The following PCDHA4 variants were observed in gnomAD, a reference collection of about 807,000 sequenced individuals.
PCDHA4 encodes the protein protocadherin alpha-4.
Under a neutral mutation model 61.4 loss-of-function variants are expected in PCDHA4, and 49 were observed. The ratio of observed to expected loss-of-function variants is 0.80; its 90% CI spans 0.63 to 1.01. The LOEUF is 1.01. PCDHA4 is among the 50% of genes least tolerant of loss of function. The pLI is 0.00. For missense variants in PCDHA4, 1,254 were observed against 1,235.8 expected (o/e 1.01, Z -0.22); for synonymous variants, 590 against 550.3 (o/e 1.07, Z -1.01).
At chr5:140,882,556 T>C (rs367760301) in intron 1 of PCDHA4, 103 of 1,614,070 alleles carry the variant, frequency 6.4e-5, no homozygotes, top group African/African-American at 9.3e-5. Flanking sequence ...AGGAGCTGTG[T>C]GGGCGGAGCG....
intron 1 of PCDHA4, among the ~76,000 whole-genome samples, chr5:140,946,530 C>T (rs2093957873): frequency 6.6e-6 from 1 of 150,514 alleles, no homozygotes; most frequent in African/African-American, 2.5e-5. Context: ...CTCCCATGTT[C>T]ATTGCAGCAT....
At chr5:140,918,970 T>C (rs1217884686) in intron 1 of PCDHA4, among the ~76,000 whole-genome samples, 1 of 152,220 alleles carries the variant, frequency 6.6e-6, no homozygotes, top group Non-Finnish European at 1.5e-5. Flanking sequence ...CAGATATCGT[T>C]TAGGTTAGTT....
Position 140,876,332 on chromosome 5 carries a change from T to C in PCDHA4, c.2385+66760T>C. On this transcript the variant is annotated intron_variant, in intron 1 of 3. Coordinates refer to ENST00000530339, the MANE Select transcript of PCDHA4 (RefSeq NM_018907.4). ...TATGGGATCAAAATGATTTTGCCAGTGAGTGAGAAATGTATGTTTTCAATA... is the reference window on the plus strand; with the variant it reads ...TATGGGATCAAAATGATTTTGCCAGCGAGTGAGAAATGTATGTTTTCAATA... 6.2e-7 allele frequency: 1 copy of C among 1,613,990 alleles called. No homozygotes were observed. Among genetic ancestry groups the C allele is most frequent in the Non-Finnish European group, 8.5e-7 (1 of 1,179,896 alleles).
At position 141,010,114 on chromosome 5, in the gene PCDHA4, G is replaced by A. The variant is rs2098416092; in HGVS notation, c.*177G>A. Reference sequence around the variant, plus strand: ...GCATTTAACAGGTTTTGTCGTAAAAGCTTTACTAAGTCTGGTGTTAACTCT... The same window carrying A: ...GCATTTAACAGGTTTTGTCGTAAAAACTTTACTAAGTCTGGTGTTAACTCT... On this transcript the variant is annotated 3_prime_UTR_variant, in exon 4 of 4. Transcript: ENST00000530339. The A allele has an allele frequency of 1.2e-6, 2 of 1,609,716 alleles. No homozygotes were observed. Among genetic ancestry groups the A allele is most frequent in the Non-Finnish European group, 1.7e-6 (2 of 1,177,682 alleles).
intron 1 of PCDHA4, chr5:140,869,653 A>G: frequency 6.2e-7 from 1 of 1,613,586 alleles, no homozygotes. Flanking sequence ...AGATTCACCA[A>G]CAAATGGTAA....
At chr5:140,848,923 C>G (rs1554142574) in intron 1 of PCDHA4, 1 of 1,607,740 alleles carries the variant, frequency 6.2e-7, no homozygotes, top group Middle Eastern at 1.7e-4. Context: ...CTGTTCATCG[C>G]GGAATCCAGG....
rs2150455221 is a variant in PCDHA4 at position 140,849,869 on chromosome 5, C to T, written c.2385+40297C>T. 12 of 1,598,574 alleles carry T rather than the reference C, an allele frequency of 7.5e-6. No homozygotes were observed. In the South Asian group the frequency reaches 8.8e-5, roughly 12 times the overall value. ...ACAACGCACCAGCGTTCGCGCAGTC[C>T]GAGTACACGGTGTTCGTGAAGGAGA... On this transcript the variant is annotated intron_variant, in intron 1 of 3. Transcript: ENST00000530339.
At chr5:141,004,833 C>A (rs1421886072) in intron 3 of PCDHA4, among the ~76,000 whole-genome samples, 1 of 152,168 alleles carries the variant, frequency 6.6e-6, no homozygotes, top group Non-Finnish European at 1.5e-5. Flanking sequence ...TTAGATAGAT[C>A]AAAGTCATTA....
At chr5:140,891,410 A>G (rs1381375342) in intron 1 of PCDHA4, among the ~76,000 whole-genome samples, 1 of 130,438 alleles carries the variant, frequency 7.7e-6, no homozygotes, top group East Asian at 2.5e-4. Context: ...GCCACCCCCC[A>G]CTCTTGCCCC....
chr5:140,846,135 C>T (rs2150384965), intron 1 of PCDHA4, among the ~76,000 whole-genome samples: 2 of 149,570 alleles, frequency 1.3e-5, no homozygotes, highest in African/African-American at 4.9e-5. Context: ...TGTATGTTTC[C>T]CATATTTAAA....
At chr5:140,868,066 G>A (rs2050262102) in intron 1 of PCDHA4, 1 of 151,806 alleles carries the variant, frequency 6.6e-6, no homozygotes. Context: ...AGATGTTCAG[G>A]GTGATTTTAT....
intron 1 of PCDHA4, chr5:140,849,874 A>G: frequency 6.3e-7 from 1 of 1,598,610 alleles, no homozygotes. Flanking sequence ...CAGTCCGAGT[A>G]CACGGTGTTC....
chr5:140,841,903 C>T lies in PCDHA4; in HGVS notation c.2385+32331C>T, dbSNP rs1318755251. ...ACGATGAGAATAAACTGGTTGAGCT[C>T]GTATTAAGAAAATCCTTGGACAGAG... On this transcript the variant is annotated intron_variant, in intron 1 of 3. Transcript: ENST00000530339. 1.4e-5 allele frequency: 22 copies of T among 1,613,682 alleles called. 1 individual carries two copies. Among genetic ancestry groups the T allele is most frequent in the Non-Finnish European group, 1.9e-5 (22 of 1,179,842 alleles).
chr5:140,856,715 G>T (rs1233191211), intron 1 of PCDHA4: 1 of 1,596,328 alleles, frequency 6.3e-7, no homozygotes, highest in African/African-American at 1.3e-5. Flanking sequence ...TGAATTTACC[G>T]GATCTGTTTC....
At chr5:140,955,929 C>T (rs567378851) in intron 1 of PCDHA4, among the ~76,000 whole-genome samples, 1 of 152,252 alleles carries the variant, frequency 6.6e-6, no homozygotes, top group East Asian at 1.9e-4. Flanking sequence ...GGAGTTCATT[C>T]ATAATATGGC....
At chr5:140,878,859 C>T (rs2057755620) in intron 1 of PCDHA4, among the ~76,000 whole-genome samples, 1 of 152,188 alleles carries the variant, frequency 6.6e-6, no homozygotes, top group African/African-American at 2.4e-5. Flanking sequence ...TTCAACTGAT[C>T]CTCCATTTCA....
chr5:140,879,078 A>G (rs1168166013), intron 1 of PCDHA4, among the ~76,000 whole-genome samples: 3 of 152,342 alleles, frequency 2.0e-5, no homozygotes, highest in African/African-American at 7.2e-5. Flanking sequence ...TAAGAGAGAT[A>G]AGTAGGAACA....
At chr5:140,966,882 C>T (rs782464160) in intron 1 of PCDHA4, 1 of 1,589,690 alleles carries the variant, frequency 6.3e-7, no homozygotes, top group Admixed American at 1.7e-5. Flanking sequence ...CTACCTGGCC[C>T]TGCGGCCTCC....
intron 1 of PCDHA4, among the ~76,000 whole-genome samples, chr5:140,907,643 A>C (rs2073513749): frequency 6.6e-6 from 1 of 152,208 alleles, no homozygotes; most frequent in African/African-American, 2.4e-5. Flanking sequence ...GCTGCTGGCA[A>C]ATTGGGCACT....
Sources: allele counts gnomAD v4.1 joint callset (sites outside exome capture counted in the v4.1 genomes callset), GRCh38; gene constraint gnomAD v4.1.1; transcripts MANE v1.5; gene names NCBI Gene and HGNC (gene_info 2026-07-23, HGNC 2026-07-21).